GRB2: variants seen among roughly 807,000 people sequenced by gnomAD.
The protein encoded by GRB2 is growth factor receptor-bound protein 2.
GRB2 carries 2 observed loss-of-function variants against 27.4 expected under a neutral mutation model. The observed-to-expected ratio is 0.07, with a 90% CI of 0.03 to 0.23. The LOEUF (loss-of-function observed/expected upper bound fraction) is 0.23, where lower values mean the gene tolerates loss of function less well. Ranked by LOEUF, GRB2 falls within the 10% of genes least tolerant of loss-of-function variation. The pLI is 1.00. For synonymous variants in GRB2, 94 were observed against 99.6 expected (o/e 0.94, Z 0.33); for missense variants, 102 against 282.4 (o/e 0.36, Z 4.58).
chr17:75,389,841 T>C (rs541688884), intron 2 of GRB2, among the ~76,000 whole-genome samples: 2 of 152,056 alleles, frequency 1.3e-5, no homozygotes, highest in Admixed American at 1.3e-4. Context: ...CGAGACTCCA[T>C]CTCAAAAAAA....
chr17:75,384,642 C>T (rs55676151), intron 2 of GRB2, among the ~76,000 whole-genome samples: 4,561 of 152,118 alleles, frequency 0.03, 123 homozygotes, highest in Non-Finnish European at 0.044. Context: ...TGTACTCCAG[C>T]CTGGGCAACA....
intron 2 of GRB2, among the ~76,000 whole-genome samples, chr17:75,347,103 C>A: frequency 6.6e-6 from 1 of 152,238 alleles, no homozygotes; most frequent in South Asian, 2.1e-4. Context: ...TTCTCCCTGT[C>A]GTAGGCCTCA....
chr17:75,378,809 C>T (rs1287274076), intron 2 of GRB2, among the ~76,000 whole-genome samples: 3 of 152,188 alleles, frequency 2.0e-5, no homozygotes, highest in Admixed American at 2.0e-4. Flanking sequence ...TCTACCAGTT[C>T]TCACTTCTAG....
At chr17:75,373,753 G>C (rs886816150) in intron 2 of GRB2, 1 of 150,264 alleles carries the variant, frequency 6.7e-6, no homozygotes, top group Non-Finnish European at 1.5e-5. Flanking sequence ...CCTTTGCTTA[G>C]GAGATACTCA....
chr17:75,371,211 A>C (rs2145855036), intron 2 of GRB2: 1 of 152,336 alleles, frequency 6.6e-6, no homozygotes, highest in South Asian at 2.1e-4. Context: ...AAGCACAGTA[A>C]AGTGTAATTA....
chr17:75,371,096 GT>G (rs1422314472), intron 2 of GRB2: 1 of 152,436 alleles, frequency 6.6e-6, no homozygotes, highest in East Asian at 1.9e-4. Context: ...GACTGCTTGA[GT>G]CCAGGAGTCC....
intron 1 of GRB2, among the ~76,000 whole-genome samples, chr17:75,395,136 A>G (rs1346135309): frequency 3.3e-5 from 5 of 152,238 alleles, no homozygotes; most frequent in Non-Finnish European, 5.9e-5. Flanking sequence ...TGGGGCACTA[A>G]TCAAGCATAG....
At chr17:75,336,731 A>AAATG (rs1301149156) in intron 2 of GRB2, among the ~76,000 whole-genome samples, 1 of 152,196 alleles carries the variant, frequency 6.6e-6, no homozygotes, top group African/African-American at 2.4e-5. Flanking sequence ...ATGCTTTTAA[A>AAATG]AATGTAATTT....
chr17:75,351,278 G>C (rs892359617), intron 2 of GRB2, among the ~76,000 whole-genome samples: 1 of 152,052 alleles, frequency 6.6e-6, no homozygotes, highest in African/African-American at 2.4e-5. Flanking sequence ...GTAGGAACAG[G>C]GTGCACAGGA....
intron 2 of GRB2, among the ~76,000 whole-genome samples, chr17:75,391,279 T>A (rs907811221): frequency 6.6e-6 from 1 of 152,186 alleles, no homozygotes; most frequent in African/African-American, 2.4e-5. Context: ...TTTTTCTCTC[T>A]CCTCAAAGAA....
chr17:75,382,009 G>A (rs778221385), intron 2 of GRB2, among the ~76,000 whole-genome samples: 8 of 151,950 alleles, frequency 5.3e-5, no homozygotes, highest in Non-Finnish European at 1.0e-4. Context: ...TGGATCACAG[G>A]GTCAAGAGAT....
intron 2 of GRB2, among the ~76,000 whole-genome samples, chr17:75,340,982 G>A (rs190807337): frequency 2.0e-5 from 3 of 152,126 alleles, no homozygotes; most frequent in East Asian, 1.9e-4. Context: ...CACATATGCC[G>A]AGCAGATCAG....
At chr17:75,381,736 A>AAAAAAAG (rs2078930183) in intron 2 of GRB2, among the ~76,000 whole-genome samples, 1 of 106,470 alleles carries the variant, frequency 9.4e-6, no homozygotes, top group Non-Finnish European at 1.8e-5. Context: ...AAAAAAAAAG[A>AAAAAAAG]AAAAAAAAAA....
rs75485094 is a variant in GRB2, at chr17:75,341,118, G to A, written c.79-8321C>T. On this transcript the variant is annotated intron_variant, in intron 2 of 5. Coordinates refer to ENST00000316804, the MANE Select transcript of GRB2 (RefSeq NM_002086.5). ...AACAACCAGAAAGTTGAGAAGAAAT[G>A]AAATGCATTTATGAAGTTTTAAAAC... Among the ~76,000 whole-genome samples, 521 of 152,214 alleles carry A rather than the reference G, an allele frequency of 3.4e-3. 24 individuals are homozygous for A. In the East Asian group the frequency reaches 0.085, roughly 25 times the overall value.
At chr17:75,363,734 C>A (rs1433372382) in intron 2 of GRB2, among the ~76,000 whole-genome samples, 3 of 151,834 alleles carry the variant, frequency 2.0e-5, no homozygotes, top group Admixed American at 2.0e-4. Flanking sequence ...GTAGCAGGTG[C>A]CTGTAGTCCC....
chr17:75,337,895 CTACTACTAT>C (rs1346411149), intron 2 of GRB2, among the ~76,000 whole-genome samples: 231 of 124,414 alleles, frequency 1.9e-3, no homozygotes, highest in African/African-American at 6.6e-3. Context: ...ACTACTACTA[CTACTACTAT>C]TATTATTATT....
intron 2 of GRB2, among the ~76,000 whole-genome samples, chr17:75,351,685 A>G (rs2078693480): frequency 6.6e-6 from 1 of 152,140 alleles, no homozygotes; most frequent in African/African-American, 2.4e-5. Flanking sequence ...TCTCCACCAT[A>G]AACAAAGACA....
intron 1 of GRB2, among the ~76,000 whole-genome samples, chr17:75,404,637 G>A (rs1254347647): frequency 6.6e-6 from 1 of 151,968 alleles, no homozygotes; most frequent in Middle Eastern, 3.4e-3. Context: ...GAGAAGGAAG[G>A]AAATAACTGG....
At chr17:75,393,501 G>T in intron 2 of GRB2, 50 bp downstream of exon 2, 1 of 1,403,118 alleles carries the variant, frequency 7.1e-7, no homozygotes, top group Non-Finnish European at 1.0e-6. Context: ...AAGAAGGTGG[G>T]TGAGCACAGG....
Sources: allele counts gnomAD v4.1 joint callset (sites outside exome capture counted in the v4.1 genomes callset), GRCh38; gene constraint gnomAD v4.1.1; transcripts MANE v1.5; gene names NCBI Gene and HGNC (gene_info 2026-07-23, HGNC 2026-07-21).